CNIH3: variants seen among roughly 807,000 people sequenced by gnomAD.
CNIH3 encodes protein cornichon homolog 3.
In CNIH3, 14 loss-of-function variants were observed where a neutral mutation model predicts 24.1. The observed-to-expected ratio is 0.58, with a 90% CI of 0.38 to 0.91. CNIH3 has a LOEUF of 0.91. Ranked by LOEUF, CNIH3 falls within the 40% of genes least tolerant of loss-of-function variation. The probability of loss-of-function intolerance (pLI) is 0.00; values close to 1 mark genes in which losing one functional copy is unlikely to be tolerated. For synonymous variants in CNIH3, 68 were observed against 73.8 expected (o/e 0.92, Z 0.40); for missense variants, 178 against 196.8 (o/e 0.90, Z 0.57).
chr1:224,471,000 T>C (rs974165655), intron 1 of CNIH3, among the ~76,000 whole-genome samples: 5 of 152,178 alleles, frequency 3.3e-5, no homozygotes, highest in African/African-American at 4.8e-5. Context: ...ATTAAATTAT[T>C]TTTTACTATA....
intron 3 of CNIH3, among the ~76,000 whole-genome samples, chr1:224,698,535 G>A (rs1020628995): frequency 6.6e-6 from 1 of 152,206 alleles, no homozygotes; most frequent in Non-Finnish European, 1.5e-5. Context: ...TATGTCTTCT[G>A]AGAGAAACTG....
intron 1 of CNIH3, among the ~76,000 whole-genome samples, chr1:224,471,773 G>A (rs1221272168): frequency 2.0e-5 from 3 of 151,944 alleles, no homozygotes; most frequent in African/African-American, 7.3e-5. Flanking sequence ...TGTATTTTTA[G>A]TAGAGACGGG....
At chr1:224,464,934 C>T (rs1044057409) in intron 1 of CNIH3, among the ~76,000 whole-genome samples, 5 of 151,056 alleles carry the variant, frequency 3.3e-5, no homozygotes, top group Non-Finnish European at 5.9e-5. Flanking sequence ...TAGCTGGGCC[C>T]ACAGGTGTGT....
At chr1:224,665,021 C>T (rs1685530794) in intron 1 of CNIH3, 1 of 152,138 alleles carries the variant, frequency 6.6e-6, no homozygotes, top group African/African-American at 2.4e-5. Context: ...TTTTTATTTT[C>T]AATTATTTTT....
chr1:224,550,590 T>C (rs1401445733), intron 3 of CNIH3, among the ~76,000 whole-genome samples: 1 of 152,228 alleles, frequency 6.6e-6, no homozygotes, highest in Admixed American at 6.5e-5. Context: ...TTCTTTAATG[T>C]CACACAGTGG....
intron 3 of CNIH3, among the ~76,000 whole-genome samples, chr1:224,728,922 C>T (rs547142729): frequency 2.0e-5 from 3 of 152,306 alleles, no homozygotes; most frequent in Middle Eastern, 3.4e-3. Context: ...AAAGAATAGA[C>T]GTTGGCTAAG....
At chr1:224,637,560 C>T (rs770594207) in intron 1 of CNIH3, among the ~76,000 whole-genome samples, 7 of 152,208 alleles carry the variant, frequency 4.6e-5, no homozygotes, top group Non-Finnish European at 1.0e-4. Context: ...GGCCCCTTGA[C>T]TTGCCTTCAG....
chr1:224,714,842 C>T (rs187374598), intron 3 of CNIH3, among the ~76,000 whole-genome samples: 1 of 152,332 alleles, frequency 6.6e-6, no homozygotes, highest in African/African-American at 2.4e-5. Flanking sequence ...GGACTGTCCC[C>T]AGCTTATAAA....
chr1:224,480,064 G>C (rs1025853069), intron 1 of CNIH3, among the ~76,000 whole-genome samples: 2 of 152,164 alleles, frequency 1.3e-5, no homozygotes, highest in African/African-American at 4.8e-5. Context: ...TGGGTATCCA[G>C]GTCTTTCCAT....
intron 1 of CNIH3, chr1:224,435,079 C>A: frequency 1.0e-6 from 1 of 985,674 alleles, no homozygotes. Context: ...CCCTCCGAAG[C>A]CGGGCGTGCA....
At chr1:224,735,714 T>C (rs1689561487) in intron 5 of CNIH3, among the ~76,000 whole-genome samples, 1 of 152,196 alleles carries the variant, frequency 6.6e-6, no homozygotes, top group African/African-American at 2.4e-5. Flanking sequence ...TGGAGTGCAG[T>C]GGTGCCATCG....
At chr1:224,475,734 T>C (rs1676564002) in intron 1 of CNIH3, among the ~76,000 whole-genome samples, 1 of 152,172 alleles carries the variant, frequency 6.6e-6, no homozygotes, top group African/African-American at 2.4e-5. Flanking sequence ...ACCTAATACT[T>C]GTAAACTATG....
At position 224,530,405 on chromosome 1, in the gene CNIH3, A is replaced by T. The variant is rs117590876; in HGVS notation, n.344-6531A>T. On this transcript the variant is annotated intron_variant and non_coding_transcript_variant, in intron 2 of 2. Coordinates refer to the CNIH3 transcript ENST00000470602. ...TAGGTTATCATTATCAATATTAACTAAAATTTGTGTGTTCTAGGCTTTAGA... is the reference window on the plus strand; with the variant it reads ...TAGGTTATCATTATCAATATTAACTTAAATTTGTGTGTTCTAGGCTTTAGA... Among the ~76,000 whole-genome samples, 178 of 152,264 alleles carry T rather than the reference A, an allele frequency of 1.2e-3. 2 individuals carry two copies. In the East Asian group the frequency reaches 0.029, roughly 25 times the overall value.
chr1:224,569,069 T>C (rs891495824), intron 4 of CNIH3, among the ~76,000 whole-genome samples: 1 of 152,168 alleles, frequency 6.6e-6, no homozygotes, highest in Admixed American at 6.5e-5. Context: ...GGTTTCTCCA[T>C]GTTGGTCAGG....
intron 1 of CNIH3, among the ~76,000 whole-genome samples, chr1:224,507,191 G>A (rs776894563): frequency 6.6e-6 from 1 of 152,166 alleles, no homozygotes; most frequent in Non-Finnish European, 1.5e-5. Flanking sequence ...GTATCAACAT[G>A]TATGTATCCC....
chr1:224,653,582 A>G (rs1684963800), intron 1 of CNIH3, among the ~76,000 whole-genome samples: 1 of 152,234 alleles, frequency 6.6e-6, no homozygotes, highest in Non-Finnish European at 1.5e-5. Context: ...CACTTTTTAC[A>G]TACTTCTCCT....
intron 3 of CNIH3, among the ~76,000 whole-genome samples, chr1:224,711,657 T>C (rs1055717904): frequency 1.3e-5 from 2 of 151,230 alleles, no homozygotes; most frequent in Admixed American, 1.3e-4. Flanking sequence ...TAGCCAGGTA[T>C]GGTGGTACCC....
chr1:224,723,896 T>C (rs1688878534), intron 3 of CNIH3, among the ~76,000 whole-genome samples: 1 of 152,132 alleles, frequency 6.6e-6, no homozygotes, highest in African/African-American at 2.4e-5. Flanking sequence ...TCAGTAGGTG[T>C]CATATTAATT....
chr1:224,557,119 G>A (rs112778142), intron 3 of CNIH3, among the ~76,000 whole-genome samples: 2,570 of 152,230 alleles, frequency 0.017, 62 homozygotes, highest in African/African-American at 0.054. Context: ...ACAGCTCACT[G>A]CAGCCTCCAA....
Sources: allele counts gnomAD v4.1 joint callset (sites outside exome capture counted in the v4.1 genomes callset), GRCh38; gene constraint gnomAD v4.1.1; transcripts MANE v1.5; gene names NCBI Gene and HGNC (gene_info 2026-07-23, HGNC 2026-07-21).